ZNRF3: variants seen among roughly 807,000 people sequenced by gnomAD.
The protein encoded by ZNRF3 is zinc and ring finger 3.
In ZNRF3, 23 loss-of-function variants were observed where a neutral mutation model predicts 72.5. That is an observed-to-expected ratio of 0.32 (90% CI 0.23 to 0.45). The LOEUF (loss-of-function observed/expected upper bound fraction) is 0.45. Ranked by LOEUF, ZNRF3 falls within the 20% of genes least tolerant of loss-of-function variation. The pLI is 1.00. For missense variants in ZNRF3, 1,169 were observed against 1,272.1 expected (o/e 0.92, Z 1.23); for synonymous variants, 610 against 545.3 (o/e 1.12, Z -1.65).
intron 2 of ZNRF3, among the ~76,000 whole-genome samples, chr22:29,009,194 A>G (rs971208254): frequency 2.0e-5 from 3 of 152,198 alleles, no homozygotes; most frequent in African/African-American, 4.8e-5. Context: ...GCTTCACAGA[A>G]GAGATGAAAC....
chr22:28,975,155 AC>A (rs1390761073), intron 1 of ZNRF3, among the ~76,000 whole-genome samples: 1 of 152,088 alleles, frequency 6.6e-6, no homozygotes, highest in Non-Finnish European at 1.5e-5. Flanking sequence ...GCAGTGGCTT[AC>A]GCCTGTAATC....
intron 1 of ZNRF3, among the ~76,000 whole-genome samples, chr22:28,918,029 G>A (rs1472038984): frequency 6.6e-6 from 1 of 152,216 alleles, no homozygotes; most frequent in African/African-American, 2.4e-5. Context: ...GCCTGGGAGG[G>A]TATTTATAAC....
intron 1 of ZNRF3, among the ~76,000 whole-genome samples, chr22:28,953,493 C>A (rs1212534361): frequency 6.6e-6 from 1 of 152,110 alleles, no homozygotes; most frequent in African/African-American, 2.4e-5. Flanking sequence ...TGTGTTTCTC[C>A]TGTTGACTTC....
intron 1 of ZNRF3, among the ~76,000 whole-genome samples, chr22:28,968,982 A>G (rs939636974): frequency 2.6e-5 from 4 of 152,182 alleles, no homozygotes; most frequent in Admixed American, 2.6e-4. Flanking sequence ...CAGGACATAC[A>G]GACACAGATA....
chr22:28,895,327 G>C (rs936928294), intron 1 of ZNRF3, among the ~76,000 whole-genome samples: 11 of 152,082 alleles, frequency 7.2e-5, no homozygotes, highest in Admixed American at 5.9e-4. Flanking sequence ...CTCTCTTTTT[G>C]GCTCCATGGT....
chr22:28,939,743 G>T (rs1435551082), intron 1 of ZNRF3, among the ~76,000 whole-genome samples: 4 of 152,060 alleles, frequency 2.6e-5, no homozygotes, highest in African/African-American at 7.2e-5. Flanking sequence ...AATATTAGTT[G>T]TAGAACCAGA....
intron 1 of ZNRF3, among the ~76,000 whole-genome samples, chr22:28,982,566 TA>T (rs57062209): frequency 0.04 from 5,492 of 137,372 alleles, 115 homozygotes; most frequent in African/African-American, 0.077. Context: ...ACCCTGCCTT[TA>T]AAAAAAAAAA....
At chr22:28,952,984 G>C (rs774341891) in intron 1 of ZNRF3, among the ~76,000 whole-genome samples, 2 of 152,226 alleles carry the variant, frequency 1.3e-5, no homozygotes, top group Non-Finnish European at 2.9e-5. Context: ...GATGATCACA[G>C]TGTGTATCAG....
In ZNRF3 at chr22:29,050,872, G is replaced by A. The variant is rs550847574; in HGVS notation, c.2691G>A (p.Ala897=). The A allele has an allele frequency of 1.0e-5, 16 of 1,594,500 alleles. No individual in the cohort carries two copies. The highest frequency in any genetic ancestry group is 6.7e-5 in the East Asian group (3 of 44,726). The part of the protein sequence containing the change: ...LLRPGCPPEE[A]GAVRANFPSA... ...GGCCTGGCTGCCCTCCGGAGGAGGC[G>A]GGTGCTGTCAGGGCCAACTTCCCTA... Residue 897 remains alanine (A), a synonymous_variant, in exon 8 of 9, where the codon GCG becomes GCA. Coordinates refer to ENST00000544604, the MANE Select transcript of ZNRF3 (RefSeq NM_001206998.2).
At chr22:28,954,117 T>G (rs989081793) in intron 1 of ZNRF3, among the ~76,000 whole-genome samples, 4 of 152,242 alleles carry the variant, frequency 2.6e-5, no homozygotes, top group African/African-American at 9.6e-5. Context: ...CTTCACAGTT[T>G]CTGCCATATC....
At chr22:28,989,678 AC>A (rs1477326875) in intron 2 of ZNRF3, among the ~76,000 whole-genome samples, 2 of 152,060 alleles carry the variant, frequency 1.3e-5, no homozygotes, top group Non-Finnish European at 2.9e-5. Context: ...CTTGTTGAAA[AC>A]CCACGAAGGG....
rs140689000 is a variant in ZNRF3 at position 28,908,812 on chromosome 22, G to T, written c.300+24746G>T. 4.5e-3 allele frequency among the ~76,000 whole-genome samples: 684 copies of T among 152,310 alleles called. 6 individuals carry two copies. Among genetic ancestry groups the T allele is most frequent in the Non-Finnish European group, 6.7e-3 (456 of 68,016 alleles). ...TAAAGCGGTGATTAGATTTGTCTGG[G>T]TGGAGAGCAAAGATGAAGCTATTGG... On this transcript the variant is annotated intron_variant, in intron 1 of 8. Coordinates refer to ENST00000544604, the MANE Select transcript of ZNRF3 (RefSeq NM_001206998.2).
intron 1 of ZNRF3, among the ~76,000 whole-genome samples, chr22:28,895,621 T>C (rs905020240): frequency 1.3e-5 from 2 of 152,044 alleles, no homozygotes; most frequent in Non-Finnish European, 2.9e-5. Flanking sequence ...GAGCCGAGAT[T>C]GCGCCACTGC....
chr22:29,047,959 A>T (rs1404728495), intron 6 of ZNRF3, among the ~76,000 whole-genome samples: 1 of 151,774 alleles, frequency 6.6e-6, no homozygotes, highest in Non-Finnish European at 1.5e-5. Context: ...CTTCCTTTCT[A>T]CTCATGCCTA....
chr22:28,993,852 T>C (rs2035998627), intron 2 of ZNRF3, among the ~76,000 whole-genome samples: 1 of 152,114 alleles, frequency 6.6e-6, no homozygotes, highest in Admixed American at 6.5e-5. Flanking sequence ...CTAGCTAGTT[T>C]TTAATTTTTT....
At chr22:28,915,855 C>T (rs1239780307) in intron 1 of ZNRF3, among the ~76,000 whole-genome samples, 1 of 152,168 alleles carries the variant, frequency 6.6e-6, no homozygotes, top group Non-Finnish European at 1.5e-5. Context: ...GGGCACCGCC[C>T]CCATATCCCA....
chr22:28,968,650 C>T (rs555567371), intron 1 of ZNRF3, among the ~76,000 whole-genome samples: 3 of 152,166 alleles, frequency 2.0e-5, no homozygotes, highest in African/African-American at 4.8e-5. Flanking sequence ...CGGAGGTTGC[C>T]GTGAGCTGAG....
intron 1 of ZNRF3, among the ~76,000 whole-genome samples, chr22:28,943,404 G>A (rs1201884271): frequency 6.6e-6 from 1 of 152,202 alleles, no homozygotes; most frequent in African/African-American, 2.4e-5. Flanking sequence ...TTATAGATGA[G>A]AGATTTACCA....
chr22:28,957,686 G>GC (rs1330655926), intron 1 of ZNRF3, among the ~76,000 whole-genome samples: 2 of 151,734 alleles, frequency 1.3e-5, no homozygotes, highest in East Asian at 4.0e-4. Flanking sequence ...TGATCCGCTC[G>GC]CCTCGGCCTC....
Sources: allele counts gnomAD v4.1 joint callset (sites outside exome capture counted in the v4.1 genomes callset), GRCh38; gene constraint gnomAD v4.1.1; transcripts MANE v1.5; gene names NCBI Gene and HGNC (gene_info 2026-07-23, HGNC 2026-07-21).